CD6: variants seen among roughly 807,000 people sequenced by gnomAD.
CD6 encodes the protein T-cell differentiation antigen CD6.
In CD6, 53 loss-of-function variants were observed where a neutral mutation model predicts 75.3. That is an observed-to-expected ratio of 0.70 (90% CI 0.56 to 0.88). CD6 has a LOEUF of 0.88. Ranked by LOEUF, CD6 falls within the 40% of genes least tolerant of loss-of-function variation. The pLI is 0.00. For synonymous variants in CD6, 359 were observed against 381.5 expected, an observed-to-expected ratio of 0.94 and a Z score of 0.69; for missense variants, 770 against 897.1, an observed-to-expected ratio of 0.86 and a Z score of 1.81.
At chr11:60,980,797 ACCACTGCACTTC>A (rs200593919) in intron 1 of CD6, among the ~76,000 whole-genome samples, 4,860 of 152,290 alleles carry the variant, frequency 0.032, 118 homozygotes, top group Middle Eastern at 0.12. Context: ...CCAAGATCGC[ACCACTGCACTTC>A]AGCCTATGCA....
chr11:61,010,753 G>A (rs1859100640), intron 5 of CD6, among the ~76,000 whole-genome samples: 1 of 152,188 alleles, frequency 6.6e-6, no homozygotes. Flanking sequence ...CATCTCCCTA[G>A]GCTGATTAAG....
At chr11:60,997,286 G>A (rs557460727) in intron 1 of CD6, among the ~76,000 whole-genome samples, 1 of 151,662 alleles carries the variant, frequency 6.6e-6, no homozygotes, top group East Asian at 1.9e-4. Flanking sequence ...GCTGAGGCAG[G>A]AGAATCGCTT....
At chr11:60,993,221 C>CG (rs1858137462) in intron 1 of CD6, among the ~76,000 whole-genome samples, 1 of 149,118 alleles carries the variant, frequency 6.7e-6, no homozygotes, top group South Asian at 2.1e-4. Flanking sequence ...TTTGCAGAGC[C>CG]GGGGAAGGGT....
chr11:61,017,231 T>TGGGGCTG (rs1859442207), intron 9 of CD6: 1 of 532,542 alleles, frequency 1.9e-6, no homozygotes, highest in Non-Finnish European at 3.4e-6. Context: ...GAGGGACAGC[T>TGGGGCTG]GGGGCTGGGG....
Position 61,019,381 on chromosome 11 carries a change from C to T in CD6, c.*63C>T, listed in dbSNP as rs2134517982. 1 of 1,263,076 alleles carries T rather than the reference C, an allele frequency of 7.9e-7. No individual in the cohort carries two copies. The highest frequency in any genetic ancestry group is 1.1e-6 in the Non-Finnish European group (1 of 894,806). 78.2% of individuals were successfully genotyped at this position (1,263,076 alleles called of 1,614,324 possible). A position where few individuals can be genotyped will look rare whatever the true frequency, so the allele number is the denominator to read the frequency against. On this transcript the variant is annotated 3_prime_UTR_variant, in exon 13 of 13. Transcript: ENST00000313421. The stretch of plus-strand genomic sequence containing the variant: ...CTCTGGCCTCCTGCTCTACCTACTC[C>T]CTTTCCCCTTTCCCACCCTCCCAGC...
At chr11:60,990,075 G>C (rs1285012347) in intron 1 of CD6, among the ~76,000 whole-genome samples, 1 of 151,614 alleles carries the variant, frequency 6.6e-6, no homozygotes, top group Non-Finnish European at 1.5e-5. Flanking sequence ...ACAGAATTTA[G>C]AAAATACAAA....
rs764562469 is a variant in CD6, at chr11:61,013,909, C to T, written c.1292-10C>T. ...AATGACTTGTAGAATTTCTGCCTCC[C>T]CTCCCTCAGCCCTCCCCGTAATGGT... On this transcript the variant is annotated splice_polypyrimidine_tract_variant and intron_variant, in intron 7 of 12. Transcript: ENST00000313421. 1.9e-6 allele frequency: 3 copies of T among 1,583,386 alleles called. No homozygotes were observed. The South Asian group carries it at 3.4e-5, about 18-fold the overall frequency.
At chr11:61,003,220 C>T (rs1347768456) in intron 1 of CD6, among the ~76,000 whole-genome samples, 2 of 152,186 alleles carry the variant, frequency 1.3e-5, no homozygotes, top group African/African-American at 2.4e-5. Context: ...ACGCCTTGGC[C>T]TCCCAAAGTG....
chr11:60,989,350 A>G (rs1424518026), intron 1 of CD6: 1 of 152,282 alleles, frequency 6.6e-6, no homozygotes, highest in Non-Finnish European at 1.5e-5. Flanking sequence ...GGAAATGTGG[A>G]TCTGCTTCCC....
intron 1 of CD6, among the ~76,000 whole-genome samples, chr11:60,991,521 G>GT (rs887631702): frequency 1.3e-5 from 2 of 152,088 alleles, no homozygotes; most frequent in Admixed American, 1.3e-4. Context: ...TTTTTCATCT[G>GT]TTTTTTCCAT....
At position 60,971,764 on chromosome 11, in the gene CD6, CA is replaced by C; in HGVS notation, c.-101del. 8.8e-7 allele frequency: 1 copy of C among 1,141,066 alleles called. No homozygotes were observed. Among genetic ancestry groups the C allele is most frequent in the Non-Finnish European group, 1.3e-6 (1 of 773,620 alleles). The allele number at this position is 1,141,066 out of a possible 1,614,324, so 70.7% of individuals were successfully genotyped here. On this transcript the variant is annotated 5_prime_UTR_variant, in exon 1 of 13. It introduces an in-frame stop codon into an upstream open reading frame of the 5' UTR. Transcript: ENST00000313421. The stretch of plus-strand genomic sequence containing the variant: ...GGAACAAGAACAGCAAAGGGTAGAG[CA>C]GACCTGCGCCAGGGGCGCACAACGG...
intron 1 of CD6, among the ~76,000 whole-genome samples, chr11:61,006,117 C>G (rs1220292257): frequency 6.6e-6 from 1 of 152,164 alleles, no homozygotes; most frequent in Non-Finnish European, 1.5e-5. Flanking sequence ...ATTCTATAAA[C>G]AAAATTTTCT....
intron 12 of CD6, 23 bp from the exon 13 acceptor site, chr11:61,019,231 A>G (rs1204782339): frequency 6.3e-7 from 1 of 1,599,196 alleles, no homozygotes; most frequent in South Asian, 1.1e-5. Flanking sequence ...GTCTCCCACT[A>G]ATCTGGGCCT....
chr11:61,002,838 C>T (rs997211892), intron 1 of CD6, among the ~76,000 whole-genome samples: 3 of 152,180 alleles, frequency 2.0e-5, no homozygotes, highest in East Asian at 3.8e-4. Flanking sequence ...AGAGACAGAG[C>T]GAGGGACGGT....
At chr11:60,978,262 G>A (rs921536406) in intron 1 of CD6, among the ~76,000 whole-genome samples, 5 of 152,336 alleles carry the variant, frequency 3.3e-5, no homozygotes, top group East Asian at 1.9e-4. Flanking sequence ...GCCTGGGGAC[G>A]CTGACTGCTC....
intron 1 of CD6, among the ~76,000 whole-genome samples, chr11:61,000,792 G>A (rs1858545960): frequency 6.6e-6 from 1 of 152,194 alleles, no homozygotes; most frequent in Non-Finnish European, 1.5e-5. Context: ...GCTCTTTCGT[G>A]CCTTCATTCT....
chr11:61,002,431 C>T (rs1187397790), intron 1 of CD6, among the ~76,000 whole-genome samples: 1 of 152,070 alleles, frequency 6.6e-6, no homozygotes, highest in Non-Finnish European at 1.5e-5. Context: ...GTGGTGGGTG[C>T]CTGTAATCCC....
At chr11:61,014,787 T>G (rs1859326474) in intron 8 of CD6, among the ~76,000 whole-genome samples, 1 of 151,920 alleles carries the variant, frequency 6.6e-6, no homozygotes, top group African/African-American at 2.4e-5. Flanking sequence ...GATATATGGA[T>G]TTATACCTCT....
chr11:60,971,997 T>C, intron 1 of CD6, 83 bp downstream of exon 1: 1 of 1,397,506 alleles, frequency 7.2e-7, no homozygotes, highest in Non-Finnish European at 1.0e-6. Flanking sequence ...GGTTGTTTCC[T>C]TGTGGTCACT....
Sources: allele counts gnomAD v4.1 joint callset (sites outside exome capture counted in the v4.1 genomes callset), GRCh38; gene constraint gnomAD v4.1.1; transcripts MANE v1.5; gene names NCBI Gene and HGNC (gene_info 2026-07-23, HGNC 2026-07-21).